The following ADAMTSL3 variants were observed in gnomAD, a reference collection of about 807,000 sequenced individuals.
ADAMTSL3 encodes ADAMTS like 3.
Under a neutral mutation model 201.7 loss-of-function variants are expected in ADAMTSL3, and 128 were observed. That is an observed-to-expected ratio of 0.63 (90% CI 0.55 to 0.73). The LOEUF (loss-of-function observed/expected upper bound fraction) is 0.73, where lower values mean the gene tolerates loss of function less well. Ranked by LOEUF, ADAMTSL3 falls within the 30% of genes least tolerant of loss-of-function variation. The pLI is 0.00. For missense variants in ADAMTSL3, 1,990 were observed against 2,119.6 expected (o/e 0.94, Z 1.20); for synonymous variants, 738 against 748.4 (o/e 0.99, Z 0.23).
chr15:83,921,313 C>T (rs1387096901), intron 16 of ADAMTSL3, among the ~76,000 whole-genome samples: 1 of 152,132 alleles, frequency 6.6e-6, no homozygotes, highest in Non-Finnish European at 1.5e-5. Flanking sequence ...TGTTAATGTT[C>T]CACGGATGCT....
intron 6 of ADAMTSL3, among the ~76,000 whole-genome samples, chr15:83,821,277 G>A (rs1342761500): frequency 6.6e-6 from 1 of 150,648 alleles, no homozygotes; most frequent in South Asian, 2.1e-4. Flanking sequence ...TCATTCTTGG[G>A]TGTTTCTCGC....
chr15:83,704,563 G>T (rs2061822073), intron 3 of ADAMTSL3, 55 bp downstream of exon 3: 1 of 1,488,958 alleles, frequency 6.7e-7, no homozygotes, highest in Non-Finnish European at 8.8e-7. Flanking sequence ...CAGTGGTCAG[G>T]AAACTGTCTC....
intron 2 of ADAMTSL3, among the ~76,000 whole-genome samples, chr15:83,672,258 G>T (rs974886626): frequency 2.0e-5 from 3 of 152,188 alleles, no homozygotes; most frequent in Non-Finnish European, 4.4e-5. Flanking sequence ...TGTGAAAAGA[G>T]TGACCCATAT....
chr15:83,738,995 A>T (rs72746908), intron 3 of ADAMTSL3, among the ~76,000 whole-genome samples: 14,394 of 151,870 alleles, frequency 0.095, 848 homozygotes, highest in East Asian at 0.28. Context: ...TCATTTCAAC[A>T]AAATGCAGGA....
At chr15:83,942,818 C>T (rs1210577905) in intron 18 of ADAMTSL3, 30 bp downstream of exon 18, 2 of 1,609,390 alleles carry the variant, frequency 1.2e-6, no homozygotes, top group South Asian at 2.2e-5. Context: ...CCAGGGCCCT[C>T]TGTGATTATG....
intron 4 of ADAMTSL3, among the ~76,000 whole-genome samples, chr15:83,775,926 A>T (rs1449345685): frequency 6.6e-6 from 1 of 152,136 alleles, no homozygotes; most frequent in East Asian, 1.9e-4. Context: ...TCCTAAGACA[A>T]CCACATGCTG....
At chr15:83,676,435 TTGGGAGGCTGAGG>T (rs2061406429) in intron 2 of ADAMTSL3, among the ~76,000 whole-genome samples, 1 of 152,130 alleles carries the variant, frequency 6.6e-6, no homozygotes, top group African/African-American at 2.4e-5. Context: ...TCCTAGCACT[TTGGGAGGCTGAGG>T]TGGGCGGATC....
intron 3 of ADAMTSL3, among the ~76,000 whole-genome samples, chr15:83,737,558 C>T (rs1160723793): frequency 6.6e-6 from 1 of 152,168 alleles, no homozygotes; most frequent in Non-Finnish European, 1.5e-5. Context: ...TTCCTGAGAC[C>T]TCCTCAGCCA....
chr15:83,805,872 G>A (rs915634776), intron 5 of ADAMTSL3, among the ~76,000 whole-genome samples: 2 of 152,128 alleles, frequency 1.3e-5, no homozygotes, highest in African/African-American at 4.8e-5. Context: ...TGTAAGGTAA[G>A]CAGGGAGCCC....
chr15:83,825,020 T>G (rs1414338609), intron 6 of ADAMTSL3: 1 of 152,230 alleles, frequency 6.6e-6, no homozygotes, highest in Non-Finnish European at 1.5e-5. Flanking sequence ...CTTTTCACAC[T>G]GAATAATATT....
intron 2 of ADAMTSL3, among the ~76,000 whole-genome samples, chr15:83,669,939 G>C (rs1409111718): frequency 3.3e-5 from 5 of 151,644 alleles, no homozygotes; most frequent in Non-Finnish European, 7.4e-5. Flanking sequence ...ATCTGCCACA[G>C]CCTTACTTCA....
chr15:83,806,342 C>T (rs1462734197), intron 5 of ADAMTSL3, among the ~76,000 whole-genome samples: 1 of 152,226 alleles, frequency 6.6e-6, no homozygotes, highest in African/African-American at 2.4e-5. Flanking sequence ...TAAACTCCTG[C>T]AGCCTAGGCT....
intron 6 of ADAMTSL3, among the ~76,000 whole-genome samples, chr15:83,830,104 GTAGA>G (rs1350785331): frequency 6.6e-6 from 1 of 152,140 alleles, no homozygotes; most frequent in African/African-American, 2.4e-5. Flanking sequence ...TCATGATTAA[GTAGA>G]TAGATAGTGA....
chr15:83,662,837 G>T (rs1288413572), intron 2 of ADAMTSL3, among the ~76,000 whole-genome samples: 1 of 152,088 alleles, frequency 6.6e-6, no homozygotes, highest in East Asian at 1.9e-4. Flanking sequence ...AAGGGGAAGG[G>T]GATAAGGGCT....
intron 15 of ADAMTSL3, among the ~76,000 whole-genome samples, chr15:83,908,298 A>C (rs1471023111): frequency 1.3e-5 from 2 of 152,186 alleles, no homozygotes; most frequent in Non-Finnish European, 2.9e-5. Context: ...GGGCATAATA[A>C]TATTTCCTGA....
chr15:83,822,272 C>T (rs1238923670), intron 6 of ADAMTSL3, among the ~76,000 whole-genome samples: 1 of 145,772 alleles, frequency 6.9e-6, no homozygotes, highest in East Asian at 2.1e-4. Context: ...CTCCTCACTT[C>T]TCAGACGGGG....
chr15:83,713,105 C>T (rs1478199029), intron 3 of ADAMTSL3, among the ~76,000 whole-genome samples: 1 of 152,144 alleles, frequency 6.6e-6, no homozygotes, highest in African/African-American at 2.4e-5. Context: ...ACCTTCTATG[C>T]ATGATTTTCC....
At chr15:83,662,937 A>T (rs560827913) in intron 2 of ADAMTSL3, among the ~76,000 whole-genome samples, 1 of 152,146 alleles carries the variant, frequency 6.6e-6, no homozygotes, top group Non-Finnish European at 1.5e-5. Flanking sequence ...TGGGTAGCAG[A>T]TGTGAGTTCT....
intron 6 of ADAMTSL3, among the ~76,000 whole-genome samples, chr15:83,828,257 G>A (rs940226907): frequency 1.3e-5 from 2 of 152,126 alleles, no homozygotes; most frequent in Non-Finnish European, 2.9e-5. Context: ...TTGTAAGTTG[G>A]ATTCCTAGGT....
Sources: gnomAD v4.1 joint callset for allele counts (sites outside exome capture counted in the v4.1 genomes callset) on GRCh38, gnomAD v4.1.1 for gene constraint, MANE v1.5 for transcripts, NCBI Gene and HGNC (gene_info 2026-07-23, HGNC 2026-07-21) for gene names.